Variants in RP1L1 observed in about 807,000 individuals in gnomAD.
The protein encoded by RP1L1 is RP1 like 1.
RP1L1 carries 27 observed loss-of-function variants against 15.7 expected under a neutral mutation model. The ratio of observed to expected loss-of-function variants is 1.72; its 90% CI spans 1.27 to 2.38. RP1L1 has a LOEUF of 2.38. Ranked by LOEUF, RP1L1 falls within the 30% of genes most tolerant of loss-of-function variation. The pLI is 0.00. For synonymous variants in RP1L1, 1,813 were observed against 1,276.7 expected (o/e 1.42, Z -8.96); for missense variants, 4,798 against 3,075.9 (o/e 1.56, Z -13.24).
intron 1 of RP1L1, among the ~76,000 whole-genome samples, chr8:10,633,557 G>C (rs563335007): frequency 6.6e-6 from 1 of 152,276 alleles, no homozygotes; most frequent in African/African-American, 2.4e-5. Context: ...TATGTGCTAG[G>C]CGCAGGGGAG....
chr8:10,641,364 G>A (rs1416301224), intron 1 of RP1L1, among the ~76,000 whole-genome samples: 4 of 152,198 alleles, frequency 2.6e-5, no homozygotes, highest in Non-Finnish European at 5.9e-5. Flanking sequence ...TCTCTGGACT[G>A]ACAGTGACCT....
intron 1 of RP1L1, among the ~76,000 whole-genome samples, chr8:10,630,635 G>A (rs1269416559): frequency 1.3e-5 from 2 of 152,170 alleles, no homozygotes; most frequent in Non-Finnish European, 2.9e-5. Flanking sequence ...CTCCTGCCTG[G>A]GCTCTGCCTC....
chr8:10,642,514 C>T (rs750620235), intron 1 of RP1L1, among the ~76,000 whole-genome samples: 2 of 152,200 alleles, frequency 1.3e-5, no homozygotes, highest in Non-Finnish European at 2.9e-5. Context: ...AAACCTAGTA[C>T]TAAACACAAA....
intron 1 of RP1L1, among the ~76,000 whole-genome samples, chr8:10,630,648 T>C (rs1322938908): frequency 1.3e-5 from 2 of 152,198 alleles, no homozygotes; most frequent in South Asian, 2.1e-4. Flanking sequence ...TCTGCCTCCC[T>C]AGATAACCAC....
At position 10,650,144 on chromosome 8, in the gene RP1L1, C is replaced by T. The variant is rs376273855; in HGVS notation, c.-20+4754G>A. On this transcript the variant is annotated intron_variant, in intron 1 of 3. Coordinates refer to ENST00000382483, the MANE Select transcript of RP1L1 (RefSeq NM_178857.6). ...GGGATTGTCACGTGTGTATGGAAAG[C>T]TGGGTGCTGCTGCAACCACCACGTG... Among the ~76,000 whole-genome samples, 7 of 152,190 alleles carry T rather than the reference C, an allele frequency of 4.6e-5. No homozygotes were observed. In the East Asian group the frequency reaches 7.7e-4, roughly 17 times the overall value.
In RP1L1 at chr8:10,609,885, C is replaced by T. The variant is rs199653359; in HGVS notation, c.4213G>A (p.Val1405Ile). The T allele has an allele frequency of 3.5e-5, 56 of 1,594,634 alleles. No homozygotes were observed. Among genetic ancestry groups the T allele is most frequent in the Admixed American group, 1.4e-4 (8 of 59,052 alleles). The change falls in exon 4 of 4, where the codon GTC becomes ATC. Residue 1405 changes from valine (V) to isoleucine (I), a missense_variant. Physicochemically the swap from Val to Ile is conservative, Grantham distance 29 (BLOSUM62 3). Transcript: ENST00000382483. Reference protein sequence around the residue: ...KEEGLPEEGSVHGQELSEASS... With the variant: ...KEEGLPEEGSIHGQELSEASS... ...GCCTCTGACAATTCCTGCCCGTGGA[C>T]GCTTCCTTCTTCTGGAAGTCCTTCC...
chr8:10,607,368 C>G lies in RP1L1; in HGVS notation c.6730G>C (p.Glu2244Gln), dbSNP rs781237399. The G allele has an allele frequency of 1.9e-5, 30 of 1,614,148 alleles. No homozygotes were observed. The South Asian group carries it at 2.7e-4, about 15-fold the overall frequency. The change falls in exon 4 of 4, where the codon GAA becomes CAA. Residue 2244 changes from glutamate to glutamine, a missense_variant. Glu to Gln is a conservative substitution (Grantham distance 29). Transcript: ENST00000382483. ...EGEAQPESEG[E>Q]TQGEKKGSPQ... ...CTCCCCTTTTTCTCACCTTGAGTTT[C>G]TCCTTCTGACTCTGGCTGGGCCTCC...
intron 1 of RP1L1, among the ~76,000 whole-genome samples, chr8:10,644,604 C>G (rs1453829335): frequency 6.6e-6 from 1 of 152,182 alleles, no homozygotes; most frequent in Non-Finnish European, 1.5e-5. Context: ...CCTCCCTGGA[C>G]CTCAGCTCTT....
rs1335927401 is a variant in RP1L1, at chr8:10,608,231, G to C, written c.5867C>G (p.Pro1956Arg). ...CTGGGACTCTATAACTTCTGACTCTGGCTGGGTCTGCCCTTCTGCCTCCTG... is the reference window on the plus strand; with the variant it reads ...CTGGGACTCTATAACTTCTGACTCTCGCTGGGTCTGCCCTTCTGCCTCCTG... ...AAQEAEGQTQ[P>R]ESEVIESQEA... The change falls in exon 4 of 4, where the codon CCA becomes CGA. Residue 1956 changes from proline (P) to arginine (R), a missense_variant. By Grantham distance (103) the Pro-to-Arg change is moderately radical. Coordinates refer to ENST00000382483, the MANE Select transcript of RP1L1 (RefSeq NM_178857.6). 2 of 1,565,892 alleles carry C rather than the reference G, an allele frequency of 1.3e-6. No homozygotes were observed. The highest frequency in any genetic ancestry group is 1.7e-6 in the Non-Finnish European group (2 of 1,153,772).
chr8:10,653,611 G>A (rs11781592), intron 1 of RP1L1, among the ~76,000 whole-genome samples: 69,198 of 151,224 alleles, frequency 0.46, 16,962 homozygotes, highest in Middle Eastern at 0.59. Flanking sequence ...GTGCGCACAC[G>A]CACCTGTACA....
chr8:10,638,145 G>C (rs954997793), intron 1 of RP1L1, among the ~76,000 whole-genome samples: 27 of 152,354 alleles, frequency 1.8e-4, no homozygotes, highest in African/African-American at 5.5e-4. Context: ...GCAGTATTTT[G>C]TTAGTTTCAG....
At position 10,611,297 on chromosome 8, in the gene RP1L1, G is replaced by A. The variant is rs1344282417; in HGVS notation, c.2801C>T (p.Pro934Leu). 1.9e-6 allele frequency: 3 copies of A among 1,612,976 alleles called. No homozygotes were observed. The highest frequency in any genetic ancestry group is 1.3e-5 in the African/African-American group (1 of 75,052). Residue 934 changes from proline to leucine, a missense_variant, in exon 4 of 4, where the codon CCC (proline) becomes CTC (leucine). Transcript: ENST00000382483. Reference sequence around the variant, plus strand: ...ACCACTGGCCTCCTCCTGCCCCTGGGGGCCTCCCCCACTCCTCAAGGTCTT... The same window carrying A: ...ACCACTGGCCTCCTCCTGCCCCTGGAGGCCTCCCCCACTCCTCAAGGTCTT... ...EEKTLRSGGG[P>L]QGQEEASGVS...
At chr8:10,619,555 AC>A (rs1798025516) in intron 2 of RP1L1, among the ~76,000 whole-genome samples, 1 of 152,074 alleles carries the variant, frequency 6.6e-6, no homozygotes, top group Non-Finnish European at 1.5e-5. Context: ...TTTTCCAGGA[AC>A]CCAGCCTGTG....
chr8:10,647,197 G>A (rs938041335), intron 1 of RP1L1, among the ~76,000 whole-genome samples: 3 of 152,202 alleles, frequency 2.0e-5, no homozygotes, highest in Non-Finnish European at 2.9e-5. Context: ...TCCCTATAAC[G>A]GAGACTGGTT....
At chr8:10,617,445 C>T (rs372582670) in intron 2 of RP1L1, among the ~76,000 whole-genome samples, 1 of 143,578 alleles carries the variant, frequency 7.0e-6, no homozygotes, top group African/African-American at 2.5e-5. Flanking sequence ...ACATTACATT[C>T]TCTTCCCCAA....
rs1378782012 is a variant in RP1L1 at position 10,606,860 on chromosome 8, C to G, written c.*35G>C. 6.2e-7 allele frequency: 1 copy of G among 1,613,268 alleles called. No individual in the cohort carries two copies. Among genetic ancestry groups the G allele is most frequent in the Admixed American group, 1.7e-5 (1 of 60,026 alleles). On this transcript the variant is annotated 3_prime_UTR_variant, in exon 4 of 4. Transcript: ENST00000382483. ...AAAAAATATGAATAAAAACAGAGCTCCCAAGCTCGTGATTGTTTTCTAGCT... is the reference window on the plus strand; with the variant it reads ...AAAAAATATGAATAAAAACAGAGCTGCCAAGCTCGTGATTGTTTTCTAGCT...
At chr8:10,639,506 G>C (rs779007023) in intron 1 of RP1L1, among the ~76,000 whole-genome samples, 18 of 152,124 alleles carry the variant, frequency 1.2e-4, no homozygotes, top group South Asian at 1.0e-3. Context: ...CTAAGTAGCT[G>C]GGACTACAGG....
At chr8:10,628,807 T>G (rs1170571613) in intron 1 of RP1L1, among the ~76,000 whole-genome samples, 1 of 152,158 alleles carries the variant, frequency 6.6e-6, no homozygotes, top group Non-Finnish European at 1.5e-5. Flanking sequence ...CCTTGGAAAC[T>G]GTCAAAAAAC....
At position 10,611,303 on chromosome 8, in the gene RP1L1, C is replaced by T; in HGVS notation, c.2795G>A (p.Gly932Glu). ...GGCCTCCTCCTGCCCCTGGGGGCCT[C>T]CCCCACTCCTCAAGGTCTTCTCCTC... ...LSEEKTLRSG[G>E]GPQGQEEASG... Residue 932 changes from glycine to glutamate, a missense_variant, in exon 4 of 4, where the codon GGA becomes GAA. Gly to Glu is a moderately conservative substitution (Grantham distance 98). Transcript: ENST00000382483. The T allele has an allele frequency of 1.1e-5, 17 of 1,612,916 alleles. No homozygotes were observed. The highest frequency in any genetic ancestry group is 1.4e-5 in the Non-Finnish European group (17 of 1,180,012).
Sources: allele counts gnomAD v4.1 joint callset (sites outside exome capture counted in the v4.1 genomes callset), GRCh38; gene constraint gnomAD v4.1.1; transcripts MANE v1.5; gene names NCBI Gene and HGNC (gene_info 2026-07-23, HGNC 2026-07-21).